The following PRDM12 variants were observed in gnomAD, a reference collection of about 807,000 sequenced individuals.
PRDM12 encodes the protein PR/SET domain 12, also known as PR domain zinc finger protein 12.
Under a neutral mutation model 29.6 loss-of-function variants are expected in PRDM12, and 17 were observed. The observed-to-expected ratio is 0.57, with a 90% CI of 0.39 to 0.86. The LOEUF (loss-of-function observed/expected upper bound fraction) is 0.86, where lower values mean the gene tolerates loss of function less well. PRDM12 is among the 40% of genes least tolerant of loss of function. PRDM12 has a pLI of 0.00. For synonymous variants in PRDM12, 231 were observed against 225.8 expected, an observed-to-expected ratio of 1.02 and a Z score of -0.21; for missense variants, 422 against 510.8, an observed-to-expected ratio of 0.83 and a Z score of 1.68.
chr9:130,680,643 ATATATATATATATATAT>A, intron 4 of PRDM12, among the ~76,000 whole-genome samples: 1 of 77,594 alleles, frequency 1.3e-5, no homozygotes, highest in African/African-American at 7.4e-5. Flanking sequence ...AAATATATAT[ATATATATATATATATAT>A]TTTTTTTTTT....
intron 3 of PRDM12, among the ~76,000 whole-genome samples, chr9:130,670,291 A>G (rs1443912455): frequency 6.6e-6 from 1 of 151,714 alleles, no homozygotes; most frequent in Non-Finnish European, 1.5e-5. Flanking sequence ...CAGACCTTGA[A>G]GCTCTTTCTA....
Position 130,666,650 on chromosome 9 carries a change from T to C in PRDM12, c.266T>C (p.Ile89Thr), listed in dbSNP as rs1588184171. ...LSSLVLPAEVIIAQSSIPGEG... is the reference protein window; with the variant it reads ...LSSLVLPAEVTIAQSSIPGEG... ...AGCCTGGTGCTGCCTGCGGAGGTGATCATCGCTCAGAGCTCCATCCCTGGC... is the reference window on the plus strand; with the variant it reads ...AGCCTGGTGCTGCCTGCGGAGGTGACCATCGCTCAGAGCTCCATCCCTGGC... Residue 89 changes from isoleucine (I) to threonine (T), a missense_variant, in exon 2 of 5, where the codon ATC becomes ACC. Physicochemically the swap from Ile to Thr is moderately conservative, Grantham distance 89 (BLOSUM62 -1). Transcript: ENST00000253008. 1 of 1,613,124 alleles carries C rather than the reference T, an allele frequency of 6.2e-7. No homozygotes were observed. The highest frequency in any genetic ancestry group is 8.5e-7 in the Non-Finnish European group (1 of 1,179,716).
chr9:130,680,659 A>ATTTTTTT lies in PRDM12; in HGVS notation c.683-581_683-575dup, dbSNP rs767033169. ...AATATATATATATATATATATATAT[A>ATTTTTTT]TTTTTTTTTTTTTTAACTGATCCTT... On this transcript the variant is annotated intron_variant, in intron 4 of 4. Coordinates refer to ENST00000253008, the MANE Select transcript of PRDM12 (RefSeq NM_021619.3). Among the ~76,000 whole-genome samples the ATTTTTTT allele has an allele frequency of 1.2e-3, 88 of 72,154 alleles. 1 individual carries two copies. Among genetic ancestry groups the ATTTTTTT allele is most frequent in the African/African-American group, 5.4e-3 (69 of 12,868 alleles). The allele number at this position is 72,154 out of a possible 152,430, so 47.3% of individuals were successfully genotyped here. A position where few individuals can be genotyped will look rare whatever the true frequency, so the allele number is the denominator to read the frequency against.
At position 130,668,077 on chromosome 9, in the gene PRDM12, A is replaced by T; in HGVS notation, c.415-81A>T. 1 of 1,482,812 alleles carries T rather than the reference A, an allele frequency of 6.7e-7. No individual in the cohort carries two copies. Among genetic ancestry groups the T allele is most frequent in the Non-Finnish European group, 9.3e-7 (1 of 1,073,908 alleles). 91.9% of individuals were successfully genotyped at this position (1,482,812 alleles called of 1,614,324 possible). On this transcript the variant is annotated intron_variant, in intron 2 of 4. Transcript: ENST00000253008. The surrounding 1 kb of genome is among the most constrained non-coding windows in gnomAD (Gnocchi z 4.0). ...TCCTGGGGCTGTTGTGAGGATGGAGAGTGTGTGTGTGGATGTGCCTGGAAG... is the reference window on the plus strand; with the variant it reads ...TCCTGGGGCTGTTGTGAGGATGGAGTGTGTGTGTGTGGATGTGCCTGGAAG...
At chr9:130,674,270 C>A (rs967326074) in intron 3 of PRDM12, among the ~76,000 whole-genome samples, 6 of 151,336 alleles carry the variant, frequency 4.0e-5, no homozygotes, top group Non-Finnish European at 5.9e-5. Context: ...ACCTCGGCCC[C>A]CCAAAGTGCT....
rs1029383440 is a variant in PRDM12 at position 130,664,899 on chromosome 9, G to C, written c.223+23G>C. The C allele has an allele frequency of 2.7e-6, 4 of 1,506,660 alleles. No individual in the cohort carries two copies. Among genetic ancestry groups the C allele is most frequent in the South Asian group, 1.2e-5 (1 of 81,434 alleles). 93.3% of individuals were successfully genotyped at this position (1,506,660 alleles called of 1,614,324 possible). A position where few individuals can be genotyped will look rare whatever the true frequency, so the allele number is the denominator to read the frequency against. On this transcript the variant is annotated intron_variant, in intron 1 of 4. Transcript: ENST00000253008. The surrounding 1 kb of genome is among the most constrained non-coding windows in gnomAD (Gnocchi z 6.4). ...GCGGTGAGTCCAGCCGTCGGAGCCC[G>C]GCGCAATCCCTCCTCCCGGCGACCC...
chr9:130,680,660 T>TATATATATATA (rs1554753125), intron 4 of PRDM12, among the ~76,000 whole-genome samples: 26 of 49,384 alleles, frequency 5.3e-4, no homozygotes, highest in East Asian at 2.0e-3. Flanking sequence ...TATATATATA[T>TATATATATATA]TTTTTTTTTT....
At chr9:130,678,487 A>G in intron 3 of PRDM12, 42 bp from the exon 4 acceptor site, 1 of 1,467,584 alleles carries the variant, frequency 6.8e-7, no homozygotes, top group East Asian at 2.3e-5. Context: ...CTCACCTCCC[A>G]GCTGCGGCCT....
rs762655092 is a variant in PRDM12 at position 130,678,624 on chromosome 9, G to A, written c.666G>A (p.Gln222=). 1 of 1,610,592 alleles carries A rather than the reference G, an allele frequency of 6.2e-7. No homozygotes were observed. Among genetic ancestry groups the A allele is most frequent in the Non-Finnish European group, 8.5e-7 (1 of 1,177,170 alleles). The change falls in exon 4 of 5, where the codon CAG becomes CAA. Residue 222 remains glutamine, a synonymous_variant. Coordinates refer to ENST00000253008, the MANE Select transcript of PRDM12 (RefSeq NM_021619.3). The stretch of plus-strand genomic sequence containing the variant: ...GTGTGCCCGGGCTAGAGGAGGACCA[G>A]AAAAAGAACAAGCATGGTAGGTGTT... ...IPGVPGLEED[Q]KKNKHEDFHP...
intron 4 of PRDM12, among the ~76,000 whole-genome samples, chr9:130,680,308 G>C (rs1405762476): frequency 1.3e-5 from 2 of 151,990 alleles, no homozygotes; most frequent in African/African-American, 2.4e-5. Context: ...CTGCACTCCA[G>C]CCTGTGTGAC....
At chr9:130,674,010 C>CTTTTTTTTTTTTTTTTTTTTTTTTTTTTT (rs35863613) in intron 3 of PRDM12, among the ~76,000 whole-genome samples, 5 of 71,848 alleles carry the variant, frequency 7.0e-5, no homozygotes, top group African/African-American at 6.2e-5. Context: ...TTCTTTCTTT[C>CTTTTTTTTTTTTTTTTTTTTTTTTTTTTT]TTTTTTTTTT....
intron 3 of PRDM12, among the ~76,000 whole-genome samples, chr9:130,671,552 G>A (rs1340509706): frequency 6.6e-6 from 1 of 152,216 alleles, no homozygotes. Context: ...TACTTTTAAA[G>A]TGGATACATT....
In PRDM12 at chr9:130,668,607, T is replaced by C. The variant is rs1830757345; in HGVS notation, c.570+294T>C. On this transcript the variant is annotated intron_variant, in intron 3 of 4. Coordinates refer to ENST00000253008, the MANE Select transcript of PRDM12 (RefSeq NM_021619.3). This position sits in a 1 kb window ranked among gnomAD's most constrained non-coding sequence, Gnocchi z 4.0. ...ATCTCCATAGTGAGGTCCCCAGATG[T>C]TGGCTGACAGTTTCCTGAGGTTCAG... 6.6e-6 allele frequency among the ~76,000 whole-genome samples: 1 copy of C among 152,222 alleles called. No individual in the cohort carries two copies. Among genetic ancestry groups the C allele is most frequent in the Non-Finnish European group, 1.5e-5 (1 of 68,042 alleles).
intron 4 of PRDM12, among the ~76,000 whole-genome samples, chr9:130,680,648 TATATATATA>T (rs1450480125): frequency 1.2e-5 from 1 of 81,980 alleles, no homozygotes; most frequent in African/African-American, 6.2e-5. Context: ...TATATATATA[TATATATATA>T]TATTTTTTTT....
rs375684006 is a variant in PRDM12 at position 130,668,281 on chromosome 9, A to G, written c.538A>G (p.Ile180Val). Residue 180 changes from isoleucine (I) to valine (V), a missense_variant, in exon 3 of 5, where the codon ATC (isoleucine) becomes GTC (valine). Physicochemically the swap from Ile to Val is conservative, Grantham distance 29. Coordinates refer to ENST00000253008, the MANE Select transcript of PRDM12 (RefSeq NM_021619.3). This position sits in a 1 kb window ranked among gnomAD's most constrained non-coding sequence, Gnocchi z 4.0. ...EQEQNLEVVQIGTSIFYKAIE... is the reference protein window; with the variant it reads ...EQEQNLEVVQVGTSIFYKAIE... ...GGAGCAGAACCTGGAGGTGGTCCAG[A>G]TCGGCACCAGCATCTTCTACAAGGC... 1.5e-5 allele frequency: 25 copies of G among 1,613,978 alleles called. No homozygotes were observed. The highest frequency in any genetic ancestry group is 3.4e-6 in the Non-Finnish European group (4 of 1,180,022).
intron 3 of PRDM12, among the ~76,000 whole-genome samples, chr9:130,677,141 T>C (rs113615112): frequency 3.3e-5 from 5 of 152,292 alleles, no homozygotes; most frequent in African/African-American, 4.8e-5. Flanking sequence ...CCCAGGCTAG[T>C]CTCAAACTCC....
chr9:130,668,067 G>C lies in PRDM12; in HGVS notation c.415-91G>C. On this transcript the variant is annotated intron_variant, in intron 2 of 4. Transcript: ENST00000253008. This position sits in a 1 kb window ranked among gnomAD's most constrained non-coding sequence, Gnocchi z 4.0. Reference sequence around the variant, plus strand: ...TTTATCCACTTCCTGGGGCTGTTGTGAGGATGGAGAGTGTGTGTGTGGATG... The same window carrying C: ...TTTATCCACTTCCTGGGGCTGTTGTCAGGATGGAGAGTGTGTGTGTGGATG... 1.4e-6 allele frequency: 2 copies of C among 1,464,776 alleles called. No individual in the cohort carries two copies. Among genetic ancestry groups the C allele is most frequent in the Non-Finnish European group, 1.9e-6 (2 of 1,063,086 alleles). The allele number at this position is 1,464,776 out of a possible 1,614,324, so 90.7% of individuals were successfully genotyped here.
chr9:130,677,496 T>A (rs553325953), intron 3 of PRDM12, among the ~76,000 whole-genome samples: 32 of 152,348 alleles, frequency 2.1e-4, no homozygotes, highest in African/African-American at 7.7e-4. Flanking sequence ...ACAAACCAGC[T>A]GTTGCCTGGG....
In PRDM12 at chr9:130,680,623, TAAAAAA is replaced by T. The variant is rs753422507; in HGVS notation, c.683-618_683-613del. Among the ~76,000 whole-genome samples the T allele has an allele frequency of 6.8e-3, 539 of 78,882 alleles. 12 individuals carry two copies. The highest frequency in any genetic ancestry group is 0.032 in the African/African-American group (517 of 16,392). 51.7% of individuals were successfully genotyped at this position (78,882 alleles called of 152,430 possible). On this transcript the variant is annotated intron_variant, in intron 4 of 4. Coordinates refer to ENST00000253008, the MANE Select transcript of PRDM12 (RefSeq NM_021619.3). ...CCTGGAGACAGAGGGAGACTCCGTCTAAAAAAAAAAAATATATATATATATATATAT... is the reference window on the plus strand; with the variant it reads ...CCTGGAGACAGAGGGAGACTCCGTCTAAAAAATATATATATATATATATAT...
Sources: gnomAD v4.1 joint callset for allele counts (sites outside exome capture counted in the v4.1 genomes callset) on GRCh38, gnomAD v4.1.1 for gene constraint, Gnocchi (gnomAD v3.1) non-coding constraint, MANE v1.5 for transcripts, NCBI Gene and HGNC (gene_info 2026-07-23, HGNC 2026-07-21) for gene names.